The following FBXO10 variants were observed in gnomAD, a reference collection of about 807,000 sequenced individuals.
FBXO10 encodes F-box protein 10.
In FBXO10, 39 loss-of-function variants were observed where a neutral mutation model predicts 80.7. The observed-to-expected ratio is 0.48, with a 90% CI of 0.37 to 0.63. FBXO10 has a LOEUF of 0.63. Among genes scored for constraint, FBXO10 ranks in the 30% least tolerant of loss-of-function variants. FBXO10 has a pLI of 0.00. For synonymous variants in FBXO10, 449 were observed against 489.6 expected, an observed-to-expected ratio of 0.92 and a Z score of 1.09; for missense variants, 1,025 against 1,269.0, an observed-to-expected ratio of 0.81 and a Z score of 2.92.
At chr9:37,539,715 C>T (rs1257072359) in intron 2 of FBXO10, among the ~76,000 whole-genome samples, 1 of 152,210 alleles carries the variant, frequency 6.6e-6, no homozygotes, top group Non-Finnish European at 1.5e-5. Context: ...AGCTTTTAAG[C>T]TTTCAGGTAA....
At chr9:37,535,729 G>A (rs1172064201) in intron 3 of FBXO10, among the ~76,000 whole-genome samples, 1 of 152,180 alleles carries the variant, frequency 6.6e-6, no homozygotes, top group Non-Finnish European at 1.5e-5. Flanking sequence ...GGATGTTCTA[G>A]AGGACAGAGC....
intron 1 of FBXO10, among the ~76,000 whole-genome samples, chr9:37,570,916 A>G (rs1372002621): frequency 6.6e-6 from 1 of 150,942 alleles, no homozygotes; most frequent in Non-Finnish European, 1.5e-5. Flanking sequence ...ATCGCTTGAA[A>G]CCGGAAGGCG....
Position 37,516,073 on chromosome 9 carries a change from G to A in FBXO10, c.2527C>T (p.Arg843Trp), listed in dbSNP as rs368769633. 46 of 1,611,490 alleles carry A rather than the reference G, an allele frequency of 2.9e-5. No individual in the cohort carries two copies. Among genetic ancestry groups the A allele is most frequent in the African/African-American group, 4.0e-5 (3 of 74,656 alleles). The change falls in exon 10 of 11, where the codon CGG becomes TGG. Residue 843 changes from arginine (R) to tryptophan (W), a missense_variant. This residue lies in a region of FBXO10 where 478 missense variants were observed against 667.8 expected (regional missense o/e 0.72). Coordinates refer to ENST00000432825, the MANE Select transcript of FBXO10 (RefSeq NM_012166.3). ...PRSDTKVIKN[R>W]IHSFRAYGIA... Reference sequence around the variant, plus strand: ...CCGTAGGCCCGGAACGAGTGGATCCGGTTCTTTATTACCTGGGAGAGGCAG... The same window carrying A: ...CCGTAGGCCCGGAACGAGTGGATCCAGTTCTTTATTACCTGGGAGAGGCAG...
chr9:37,513,359 A>G (rs958544293), intron 10 of FBXO10, among the ~76,000 whole-genome samples: 2 of 152,130 alleles, frequency 1.3e-5, no homozygotes, highest in East Asian at 1.9e-4. Flanking sequence ...TTTATTCATA[A>G]TCACCAAAAA....
At position 37,530,187 on chromosome 9, in the gene FBXO10, T is replaced by C. The variant is rs888345242; in HGVS notation, c.1570-927A>G. ...ATAGCTGAAGTCCAATTCTATACTT[T>C]GTAAATTGGGAAGTTAGCTGTATCT... On this transcript the variant is annotated intron_variant, in intron 4 of 10. Transcript: ENST00000432825. 5.9e-5 allele frequency among the ~76,000 whole-genome samples: 9 copies of C among 152,236 alleles called. No individual in the cohort carries two copies. The South Asian group carries it at 1.4e-3, about 24-fold the overall frequency.
intron 3 of FBXO10, among the ~76,000 whole-genome samples, chr9:37,532,971 G>A (rs945010564): frequency 6.6e-6 from 1 of 152,140 alleles, no homozygotes; most frequent in Non-Finnish European, 1.5e-5. Flanking sequence ...TAAAACAAAG[G>A]CCTGTTCTTG....
chr9:37,520,522 C>CTTTTTTTT (rs1191753429), intron 8 of FBXO10, among the ~76,000 whole-genome samples: 19 of 83,376 alleles, frequency 2.3e-4, no homozygotes, highest in Non-Finnish European at 3.3e-4. Context: ...CCTTCTTCTT[C>CTTTTTTTT]TTTTTTTTTT....
intron 4 of FBXO10, 113 bp downstream of exon 4, chr9:37,531,796 C>T (rs1187441436): frequency 4.3e-6 from 5 of 1,159,852 alleles, no homozygotes; most frequent in Non-Finnish European, 6.2e-6. Flanking sequence ...GAGCAGGAGC[C>T]ACCTGCAAAC....
intron 3 of FBXO10, among the ~76,000 whole-genome samples, chr9:37,533,885 A>C (rs1297148391): frequency 6.6e-6 from 1 of 151,790 alleles, no homozygotes; most frequent in African/African-American, 2.4e-5. Flanking sequence ...AAAAAAAAAA[A>C]CAAAAAAAAC....
intron 3 of FBXO10, among the ~76,000 whole-genome samples, chr9:37,534,465 A>G (rs976348855): frequency 2.0e-5 from 3 of 152,244 alleles, no homozygotes; most frequent in Non-Finnish European, 4.4e-5. Context: ...CGTCTCAAAA[A>G]AAGAAAGACA....
intron 1 of FBXO10, among the ~76,000 whole-genome samples, chr9:37,562,094 G>A (rs1822498101): frequency 6.6e-6 from 1 of 152,190 alleles, no homozygotes; most frequent in South Asian, 2.1e-4. Flanking sequence ...AAGGAAGGCT[G>A]CTGCTTTGTT....
At chr9:37,527,561 C>T (rs1255929536) in intron 5 of FBXO10, among the ~76,000 whole-genome samples, 2 of 152,202 alleles carry the variant, frequency 1.3e-5, no homozygotes, top group African/African-American at 4.8e-5. Flanking sequence ...CAAATGTCAG[C>T]TCCCTGACAT....
At chr9:37,547,362 G>A (rs1822082504) in intron 1 of FBXO10, among the ~76,000 whole-genome samples, 1 of 152,198 alleles carries the variant, frequency 6.6e-6, no homozygotes, top group African/African-American at 2.4e-5. Context: ...GGTCCAGGTA[G>A]GTGGACTGCT....
At chr9:37,552,806 T>A (rs553191924) in intron 1 of FBXO10, among the ~76,000 whole-genome samples, 1 of 152,106 alleles carries the variant, frequency 6.6e-6, no homozygotes, top group Non-Finnish European at 1.5e-5. Context: ...TGTTCTTAGA[T>A]GGTGGAAGGT....
chr9:37,544,321 T>C (rs1821997818), intron 1 of FBXO10, among the ~76,000 whole-genome samples: 1 of 151,926 alleles, frequency 6.6e-6, no homozygotes, highest in African/African-American at 2.4e-5. Context: ...TAATCTCAGC[T>C]ACTCAGGAGG....
chr9:37,546,515 C>T (rs758448708), intron 1 of FBXO10, among the ~76,000 whole-genome samples: 5 of 152,014 alleles, frequency 3.3e-5, no homozygotes, highest in Admixed American at 6.6e-5. Context: ...TTCACTCATC[C>T]GACAGACATC....
chr9:37,565,187 T>C (rs781591601), intron 1 of FBXO10, among the ~76,000 whole-genome samples: 2 of 152,196 alleles, frequency 1.3e-5, no homozygotes, highest in Non-Finnish European at 1.5e-5. Context: ...TTCACCATGA[T>C]TGTAAGTTTC....
intron 5 of FBXO10, among the ~76,000 whole-genome samples, chr9:37,527,050 C>T (rs866982128): frequency 9.2e-5 from 14 of 151,956 alleles, no homozygotes; most frequent in Admixed American, 3.3e-4. Flanking sequence ...GGGGTTTCAC[C>T]GTGTTGGCCA....
chr9:37,557,239 G>C (rs908869518), intron 1 of FBXO10, among the ~76,000 whole-genome samples: 5 of 151,830 alleles, frequency 3.3e-5, no homozygotes, highest in African/African-American at 1.2e-4. Context: ...TAGTACCTCT[G>C]GCAGCTCAAA....
Sources: allele counts gnomAD v4.1 joint callset (sites outside exome capture counted in the v4.1 genomes callset), GRCh38; gene constraint gnomAD v4.1.1; regional missense constraint gnomAD v4.1.1; transcripts MANE v1.5; gene names NCBI Gene and HGNC (gene_info 2026-07-23, HGNC 2026-07-21).